Variants in CD247 observed in about 807,000 individuals in gnomAD.
CD247 encodes CD247 molecule.
CD247 carries 13 observed loss-of-function variants against 30.0 expected under a neutral mutation model. The ratio of observed to expected loss-of-function variants is 0.43; its 90% CI spans 0.28 to 0.69. CD247 has a LOEUF of 0.69. Among genes scored for constraint, CD247 ranks in the 30% least tolerant of loss-of-function variants. CD247 has a pLI of 0.16. For missense variants in CD247, 193 were observed against 212.6 expected (o/e 0.91, Z 0.57); for synonymous variants, 72 against 80.0 (o/e 0.90, Z 0.53).
intron 1 of CD247, among the ~76,000 whole-genome samples, chr1:167,504,864 A>T (rs549178335): frequency 1.3e-5 from 2 of 152,368 alleles, no homozygotes; most frequent in Middle Eastern, 3.4e-3. Context: ...CCGTTGGTGA[A>T]CAACTGACAG....
intron 1 of CD247, among the ~76,000 whole-genome samples, chr1:167,461,271 C>G (rs1372871360): frequency 6.6e-6 from 1 of 152,240 alleles, no homozygotes; most frequent in Non-Finnish European, 1.5e-5. Flanking sequence ...TCCTCAGGAC[C>G]TCTCACCTGG....
rs765171095 is a variant in CD247, at chr1:167,444,388, C to T, written c.59-3621G>A. On this transcript the variant is annotated intron_variant, in intron 1 of 7. Transcript: ENST00000362089. ...GGCTTCTTCGTATTTCTACCAATTC[C>T]ATCCCAAAGGGACCAGCAGCTGCTT... 9.4e-4 allele frequency among the ~76,000 whole-genome samples: 143 copies of T among 152,202 alleles called. 1 individual carries two copies. The highest frequency in any genetic ancestry group is 2.6e-4 in the Non-Finnish European group (18 of 68,042).
intron 1 of CD247, among the ~76,000 whole-genome samples, chr1:167,512,494 T>C (rs552038353): frequency 6.6e-6 from 1 of 152,182 alleles, no homozygotes; most frequent in Non-Finnish European, 1.5e-5. Context: ...AAAAGGGATG[T>C]TCAATCCTCT....
chr1:167,462,463 C>T (rs920168763), intron 1 of CD247, among the ~76,000 whole-genome samples: 2 of 152,210 alleles, frequency 1.3e-5, no homozygotes, highest in Non-Finnish European at 1.5e-5. Flanking sequence ...AGTCACAACC[C>T]AGGTTGGGGA....
intron 1 of CD247, among the ~76,000 whole-genome samples, chr1:167,445,842 G>A (rs886525080): frequency 1.5e-4 from 23 of 152,116 alleles, no homozygotes; most frequent in African/African-American, 4.6e-4. Flanking sequence ...ATCCTGTTTC[G>A]GAGCTGGGCA....
At chr1:167,442,793 C>T (rs1457194497) in intron 1 of CD247, among the ~76,000 whole-genome samples, 1 of 152,080 alleles carries the variant, frequency 6.6e-6, no homozygotes, top group East Asian at 1.9e-4. Context: ...ACCCCTCTTG[C>T]CCCCAGGCAG....
intron 1 of CD247, chr1:167,458,346 G>C (rs1352265394): frequency 6.6e-6 from 1 of 152,536 alleles, no homozygotes; most frequent in Non-Finnish European, 1.5e-5. Context: ...TCTTTCTCAG[G>C]TGAGGCCCCA....
Position 167,431,418 on chromosome 1 carries a change from G to A in CD247, c.*263C>T. ...TCCCAGGGAGAACGAGGAACCGCCA[G>A]GAGACAGGTCTACCTGCACCACCGG... On this transcript the variant is annotated 3_prime_UTR_variant, in exon 8 of 8. Coordinates refer to ENST00000362089, the MANE Select transcript of CD247 (RefSeq NM_198053.3). 1 of 600,998 alleles carries A rather than the reference G, an allele frequency of 1.7e-6. No homozygotes were observed. Among genetic ancestry groups the A allele is most frequent in the Non-Finnish European group, 3.0e-6 (1 of 338,088 alleles). The allele number at this position is 600,998 out of a possible 1,614,324, so 37.2% of individuals were successfully genotyped here.
intron 1 of CD247, among the ~76,000 whole-genome samples, chr1:167,498,121 G>C (rs1654771128): frequency 6.6e-6 from 1 of 152,168 alleles, no homozygotes; most frequent in South Asian, 2.1e-4. Context: ...GTCTCCCCCA[G>C]TCCTGGCCAA....
rs774765117 is a variant in CD247, at chr1:167,434,000, T to C, written c.393+20A>G. The C allele has an allele frequency of 1.9e-6, 3 of 1,610,226 alleles. No individual in the cohort carries two copies. The highest frequency in any genetic ancestry group is 2.6e-6 in the Non-Finnish European group (3 of 1,176,444). On this transcript the variant is annotated intron_variant, in intron 6 of 7. Coordinates refer to ENST00000362089, the MANE Select transcript of CD247 (RefSeq NM_198053.3). ...GACCAAGAGGAACTCCCTCGGAAATTAAGAAACAGCAACACTCACCTCGCC... is the reference window on the plus strand; with the variant it reads ...GACCAAGAGGAACTCCCTCGGAAATCAAGAAACAGCAACACTCACCTCGCC...
At chr1:167,515,349 G>A (rs756236903) in intron 1 of CD247, among the ~76,000 whole-genome samples, 4 of 152,166 alleles carry the variant, frequency 2.6e-5, no homozygotes, top group Non-Finnish European at 5.9e-5. Flanking sequence ...ATGACTGGGT[G>A]GATTTTGTTT....
intron 1 of CD247, among the ~76,000 whole-genome samples, chr1:167,476,433 G>A (rs1653750192): frequency 6.6e-6 from 1 of 152,072 alleles, no homozygotes; most frequent in South Asian, 2.1e-4. Flanking sequence ...TATAAAATAG[G>A]ACCAATGATT....
intron 1 of CD247, among the ~76,000 whole-genome samples, chr1:167,480,605 C>T (rs1030825615): frequency 1.3e-5 from 2 of 152,184 alleles, no homozygotes; most frequent in African/African-American, 4.8e-5. Flanking sequence ...ATATCCTGCT[C>T]AGGTGATTTT....
chr1:167,431,110 G>T lies in CD247; in HGVS notation c.*571C>A. On this transcript the variant is annotated 3_prime_UTR_variant, in exon 8 of 8. Transcript: ENST00000362089. ...GGCCCTGGCTGACCCTCCCCTGCCC[G>T]CCCACCTTCCCATGCCCCTGCAGCT... The T allele has an allele frequency of 2.7e-6, 1 of 364,782 alleles. No individual in the cohort carries two copies. The highest frequency in any genetic ancestry group is 4.9e-6 in the Non-Finnish European group (1 of 205,666). The allele number at this position is 364,782 out of a possible 1,614,324, so 22.6% of individuals were successfully genotyped here. A position where few individuals can be genotyped will look rare whatever the true frequency, so the allele number is the denominator to read the frequency against.
At chr1:167,514,544 T>C (rs1424958019) in intron 1 of CD247, among the ~76,000 whole-genome samples, 2 of 152,162 alleles carry the variant, frequency 1.3e-5, no homozygotes, top group Admixed American at 1.3e-4. Flanking sequence ...CCGGAAGACA[T>C]ACTATGTACA....
At chr1:167,496,709 C>T (rs1043217160) in intron 1 of CD247, among the ~76,000 whole-genome samples, 4 of 152,138 alleles carry the variant, frequency 2.6e-5, no homozygotes, top group African/African-American at 9.7e-5. Flanking sequence ...AGGGACATAA[C>T]CAGGGATAAG....
At chr1:167,497,894 G>A (rs1654756091) in intron 1 of CD247, among the ~76,000 whole-genome samples, 1 of 152,178 alleles carries the variant, frequency 6.6e-6, no homozygotes, top group South Asian at 2.1e-4. Flanking sequence ...TCTTTACCCA[G>A]CACAGATTCC....
intron 1 of CD247, among the ~76,000 whole-genome samples, chr1:167,495,919 C>A (rs539597212): frequency 2.0e-5 from 3 of 152,162 alleles, no homozygotes; most frequent in African/African-American, 7.2e-5. Flanking sequence ...TTCCTATGCA[C>A]CTTCTCTGTG....
At chr1:167,457,359 T>A (rs894024243) in intron 1 of CD247, 2 of 152,230 alleles carry the variant, frequency 1.3e-5, no homozygotes, top group Non-Finnish European at 2.9e-5. Context: ...CGAGTCCAAT[T>A]CCCAAACAGA....
Sources: allele counts gnomAD v4.1 joint callset (sites outside exome capture counted in the v4.1 genomes callset), GRCh38; gene constraint gnomAD v4.1.1; transcripts MANE v1.5; gene names NCBI Gene and HGNC (gene_info 2026-07-23, HGNC 2026-07-21).